The following DIP2C variants were observed in gnomAD, a reference collection of about 807,000 sequenced individuals.
DIP2C encodes disco-interacting protein 2 homolog C.
A neutral mutation model predicts 192.4 loss-of-function variants in DIP2C; 33 were observed. The ratio of observed to expected loss-of-function variants is 0.17; its 90% confidence interval spans 0.13 to 0.23. DIP2C has a LOEUF of 0.23. DIP2C is among the 10% of genes least tolerant of loss of function. The pLI, the probability that DIP2C is intolerant of heterozygous loss-of-function variation, is 1.00. For missense variants in DIP2C, 1,537 were observed against 2,110.1 expected, an observed-to-expected ratio of 0.73 and a Z score of 5.32; for synonymous variants, 979 against 864.1, an observed-to-expected ratio of 1.13 and a Z score of -2.33.
rs113779520 is a variant in DIP2C at position 382,449 on chromosome 10, T to C, written c.1991+198A>G. The C allele has an allele frequency of 1.6e-3, 809 of 514,898 alleles. 10 individuals are homozygous for C. Among genetic ancestry groups the C allele is most frequent in the East Asian group, 0.014 (456 of 31,460 alleles). 31.9% of individuals were successfully genotyped at this position (514,898 alleles called of 1,614,324 possible). Reference sequence around the variant, plus strand: ...CCGTGAAACTGCAGAGAGCGATAAATGTTTTTTAATGAATGAATCTAGGCT... The same window carrying C: ...CCGTGAAACTGCAGAGAGCGATAAACGTTTTTTAATGAATGAATCTAGGCT... On this transcript the variant is annotated intron_variant, in intron 17 of 36. Coordinates refer to ENST00000280886, the MANE Select transcript of DIP2C (RefSeq NM_014974.3).
chr10:376,607 A>G (rs1411819262), intron 17 of DIP2C, among the ~76,000 whole-genome samples: 1 of 146,058 alleles, frequency 6.8e-6, no homozygotes, highest in Admixed American at 6.9e-5. Context: ...TTGAATCACC[A>G]TTCACCACCA....
intron 19 of DIP2C, 66 bp from the exon 20 acceptor site, chr10:364,648 C>G: frequency 6.5e-7 from 1 of 1,532,124 alleles, no homozygotes; most frequent in Non-Finnish European, 8.9e-7. Flanking sequence ...CTCGCCGCTA[C>G]TCCTGGGAGC....
chr10:527,836 C>T (rs945301578), intron 1 of DIP2C, among the ~76,000 whole-genome samples: 11 of 152,204 alleles, frequency 7.2e-5, no homozygotes, highest in Non-Finnish European at 2.9e-5. Flanking sequence ...GCATAATCAG[C>T]CATCCTTCCC....
At chr10:670,088 G>A (rs187773267) in intron 1 of DIP2C, among the ~76,000 whole-genome samples, 31 of 152,066 alleles carry the variant, frequency 2.0e-4, no homozygotes, top group African/African-American at 7.2e-5. Context: ...ACACACACAT[G>A]CATACACACA....
At chr10:297,758 G>C (rs1955830049) in intron 32 of DIP2C, among the ~76,000 whole-genome samples, 1 of 152,118 alleles carries the variant, frequency 6.6e-6, no homozygotes, top group African/African-American at 2.4e-5. Flanking sequence ...ACCACCGCAG[G>C]ATGACTATAA....
intron 15 of DIP2C, 131 bp from the exon 16 acceptor site, chr10:384,277 T>A: frequency 3.1e-6 from 3 of 982,896 alleles, no homozygotes; most frequent in Non-Finnish European, 4.1e-6. Context: ...AAACCTTTTT[T>A]TTTTTTTTTT....
In DIP2C at chr10:417,824, G is replaced by C. The variant is rs1277949537; in HGVS notation, c.739+1241C>G. Reference sequence around the variant, plus strand: ...TGTCCACCTGTTCCTGTCAGGGCGCGGACAGGCCTCCCTGTCCACCTGCAC... The same window carrying C: ...TGTCCACCTGTTCCTGTCAGGGCGCCGACAGGCCTCCCTGTCCACCTGCAC... On this transcript the variant is annotated intron_variant, in intron 6 of 36. Coordinates refer to ENST00000280886, the MANE Select transcript of DIP2C (RefSeq NM_014974.3). 4.1e-3 allele frequency among the ~76,000 whole-genome samples: 133 copies of C among 32,610 alleles called. 15 individuals are homozygous for C. Among genetic ancestry groups the C allele is most frequent in the Admixed American group, 8.0e-3 (24 of 2,992 alleles). The allele number at this position is 32,610 out of a possible 152,430, so 21.4% of individuals were successfully genotyped here. A position where few individuals can be genotyped will look rare whatever the true frequency, so the allele number is the denominator to read the frequency against.
intron 1 of DIP2C, among the ~76,000 whole-genome samples, chr10:670,383 T>C (rs993991434): frequency 1.3e-5 from 2 of 152,108 alleles, no homozygotes; most frequent in Admixed American, 6.5e-5. Flanking sequence ...CACACATGCA[T>C]GTGTACACGC....
intron 9 of DIP2C, among the ~76,000 whole-genome samples, chr10:407,717 T>C (rs1964903951): frequency 6.6e-6 from 1 of 152,224 alleles, no homozygotes; most frequent in South Asian, 2.1e-4. Context: ...CGGCCACTGC[T>C]AAATCTTTGG....
In DIP2C at chr10:399,312, CTTCAGTGAGAACCAGA is replaced by C. The variant is rs914963344; in HGVS notation, c.1150-109_1150-94del. 2.9e-5 allele frequency: 26 copies of C among 900,376 alleles called. No individual in the cohort carries two copies. The African/African-American group carries it at 4.1e-4, about 14-fold the overall frequency. The allele number at this position is 900,376 out of a possible 1,614,324, so 55.8% of individuals were successfully genotyped here. On this transcript the variant is annotated intron_variant, in intron 9 of 36. Coordinates refer to ENST00000280886, the MANE Select transcript of DIP2C (RefSeq NM_014974.3). ...GCTTGGTTCTAGGTGAGAGGGCACG[CTTCAGTGAGAACCAGA>C]TCCTATGTAAAATGCATTTCAGTAA...
In DIP2C at chr10:425,102, G is replaced by A. The variant is rs113426657; in HGVS notation, c.395-2069C>T. Among the ~76,000 whole-genome samples, 21 of 22,926 alleles carry A rather than the reference G, an allele frequency of 9.2e-4. 1 individual carries two copies. Among genetic ancestry groups the A allele is most frequent in the South Asian group, 7.4e-3 (2 of 272 alleles). 15.0% of individuals were successfully genotyped at this position (22,926 alleles called of 152,430 possible). A position where few individuals can be genotyped will look rare whatever the true frequency, so the allele number is the denominator to read the frequency against. ...TGACCAGCGGTGACTAATATGACAC[G>A]GATGATACAGCATGACCAGCAGTGA... On this transcript the variant is annotated intron_variant, in intron 4 of 36. Transcript: ENST00000280886.
intron 26 of DIP2C, among the ~76,000 whole-genome samples, chr10:348,326 G>A (rs1297199657): frequency 6.6e-6 from 1 of 152,230 alleles, no homozygotes; most frequent in African/African-American, 2.4e-5. Flanking sequence ...CTCTTCCCGT[G>A]GTCGGTCTGC....
chr10:636,657 G>A lies in DIP2C; in HGVS notation c.85+52837C>T, dbSNP rs1399690906. ...CTTTTCTATCTGGGCCACACACTGC[G>A]CCGAGTGACTCTCCTTCCCCATCTT... On this transcript the variant is annotated intron_variant, in intron 1 of 36. Transcript: ENST00000280886. This position sits in a 1 kb window ranked among gnomAD's most constrained non-coding sequence, Gnocchi z 4.6. Among the ~76,000 whole-genome samples the A allele has an allele frequency of 6.6e-6, 1 of 152,146 alleles. No individual in the cohort carries two copies. Among genetic ancestry groups the A allele is most frequent in the Non-Finnish European group, 1.5e-5 (1 of 68,022 alleles).
intron 1 of DIP2C, among the ~76,000 whole-genome samples, chr10:512,409 T>TA (rs1368510841): frequency 1.3e-5 from 2 of 150,954 alleles, no homozygotes; most frequent in East Asian, 2.0e-4. Flanking sequence ...AAATAAAAAA[T>TA]AAAAATAAAA....
chr10:662,165 A>G (rs1385221742), intron 1 of DIP2C: 1 of 715,964 alleles, frequency 1.4e-6, no homozygotes, highest in South Asian at 1.5e-5. Context: ...CTGCCCTCAG[A>G]TAGGCACATG....
chr10:319,248 T>C (rs1335159871), intron 31 of DIP2C, among the ~76,000 whole-genome samples: 1 of 152,200 alleles, frequency 6.6e-6, no homozygotes, highest in African/African-American at 2.4e-5. Context: ...CTTCTATTAC[T>C]AGGGGGGCTG....
Position 366,299 on chromosome 10 carries a change from A to G in DIP2C, c.2244T>C (p.Ser748=), listed in dbSNP as rs2132750141. The G allele has an allele frequency of 6.2e-7, 1 of 1,613,760 alleles. No homozygotes were observed. Among genetic ancestry groups the G allele is most frequent in the Non-Finnish European group, 8.5e-7 (1 of 1,179,860 alleles). ...VATGTSYYGL[S]GMTKNTFEVF... ...CCTCAAAGGTGTTCTTGGTCATGCC[A>G]GAGAGGCCATAGTAGGACGTGCCCG... Residue 748 remains serine (S), a synonymous_variant, in exon 19 of 37, where the codon TCT becomes TCC. Coordinates refer to ENST00000280886, the MANE Select transcript of DIP2C (RefSeq NM_014974.3).
intron 1 of DIP2C, among the ~76,000 whole-genome samples, chr10:591,404 T>C (rs1851396518): frequency 6.6e-6 from 1 of 152,162 alleles, no homozygotes; most frequent in Non-Finnish European, 1.5e-5. Flanking sequence ...GGATTACAGG[T>C]GTGAGCCACC....
intron 2 of DIP2C, among the ~76,000 whole-genome samples, chr10:475,334 T>C (rs1588223378): frequency 6.6e-6 from 1 of 152,312 alleles, no homozygotes; most frequent in Non-Finnish European, 1.5e-5. Context: ...ACTTATATAG[T>C]CACTGACAGC....
Sources: gnomAD v4.1 joint callset for allele counts (sites outside exome capture counted in the v4.1 genomes callset) on GRCh38, gnomAD v4.1.1 for gene constraint, Gnocchi (gnomAD v3.1) non-coding constraint, MANE v1.5 for transcripts, NCBI Gene and HGNC (gene_info 2026-07-23, HGNC 2026-07-21) for gene names.